SNX16: variants seen among roughly 807,000 people sequenced by gnomAD.
The protein encoded by SNX16 is sorting nexin 16.
A neutral mutation model predicts 36.7 loss-of-function variants in SNX16; 35 were observed. The observed-to-expected ratio is 0.95, with a 90% confidence interval of 0.73 to 1.27. The LOEUF (loss-of-function observed/expected upper bound fraction) is 1.27. SNX16 is among the 50% of genes most tolerant of loss of function. The pLI is 0.00. For missense variants in SNX16, 367 were observed against 393.6 expected, an observed-to-expected ratio of 0.93 and a Z score of 0.57; for synonymous variants, 134 against 132.0, an observed-to-expected ratio of 1.02 and a Z score of -0.10.
chr8:81,828,241 G>C (rs184419769), intron 3 of SNX16, among the ~76,000 whole-genome samples: 1 of 152,190 alleles, frequency 6.6e-6, no homozygotes, highest in African/African-American at 2.4e-5. Context: ...TCCTAGAAAT[G>C]TGATTATTAT....
chr8:81,818,327 TTC>T (rs1810581261), intron 4 of SNX16, among the ~76,000 whole-genome samples: 2 of 152,030 alleles, frequency 1.3e-5, no homozygotes, highest in African/African-American at 2.4e-5. Flanking sequence ...ATCTTAAATT[TTC>T]TTTTTTAAAT....
chr8:81,823,805 C>A lies in SNX16; in HGVS notation c.598G>T (p.Asp200Tyr). The change falls in exon 4 of 8, where the codon GAC (aspartate) becomes TAC (tyrosine). Residue 200 changes from aspartate to tyrosine, a missense_variant. Asp to Tyr is a radical substitution (Grantham distance 160). Transcript: ENST00000345957. Reference sequence around the variant, plus strand: ...TTCGTTACATACCAGTTAGCAATGTCCTTGTGAGCTACTAAATTTTGAAGA... The same window carrying A: ...TTCGTTACATACCAGTTAGCAATGTACTTGTGAGCTACTAAATTTTGAAGA... The part of the protein sequence containing the change: ...AFLQNLVAHK[D>Y]IANCLAVREF... 6.2e-7 allele frequency: 1 copy of A among 1,608,304 alleles called. No individual in the cohort carries two copies. The highest frequency in any genetic ancestry group is 8.5e-7 in the Non-Finnish European group (1 of 1,177,738).
intron 5 of SNX16, 56 bp from the exon 6 acceptor site, chr8:81,803,284 T>A: frequency 6.6e-7 from 1 of 1,507,546 alleles, no homozygotes; most frequent in African/African-American, 1.4e-5. Context: ...TACAATTAAT[T>A]ACAAATGCAG....
rs193015308 is a variant in SNX16 at position 81,819,916 on chromosome 8, T to C, written c.611+3876A>G. On this transcript the variant is annotated intron_variant, in intron 4 of 7. Coordinates refer to ENST00000345957, the MANE Select transcript of SNX16 (RefSeq NM_152836.3). The stretch of plus-strand genomic sequence containing the variant: ...GTAGCATTAAGGGCTGCCCATTGTG[T>C]AATGGTAAGGGCTTAGCCAAGAGGA... 3.3e-5 allele frequency among the ~76,000 whole-genome samples: 5 copies of C among 152,210 alleles called. No homozygotes were observed. The East Asian group carries it at 9.6e-4, about 29-fold the overall frequency.
intron 5 of SNX16, among the ~76,000 whole-genome samples, chr8:81,805,059 A>G (rs1809869388): frequency 6.6e-6 from 1 of 152,170 alleles, no homozygotes; most frequent in African/African-American, 2.4e-5. Flanking sequence ...TGTGAGTCTA[A>G]CAATTAAGAA....
chr8:81,820,723 A>C (rs1304513499), intron 4 of SNX16, among the ~76,000 whole-genome samples: 1 of 151,904 alleles, frequency 6.6e-6, no homozygotes, highest in African/African-American at 2.4e-5. Context: ...CGCTTCTTTG[A>C]GTTCTTGTTA....
chr8:81,800,460 CCTAA>C lies in SNX16; in HGVS notation c.*1033_*1036del, dbSNP rs1052876454. On this transcript the variant is annotated 3_prime_UTR_variant, in exon 8 of 8. Coordinates refer to ENST00000345957, the MANE Select transcript of SNX16 (RefSeq NM_152836.3). ...GTAAAGGCACTACATAATTCTTTCT[CCTAA>C]CTCTACTTACTAAAAAAATCCACCA... is the stretch of plus-strand genomic sequence containing the variant. The C allele has an allele frequency of 1.1e-4, 17 of 152,150 alleles. No homozygotes were observed. The highest frequency in any genetic ancestry group is 3.0e-5 in the Non-Finnish European group (2 of 67,706). 9.4% of individuals were successfully genotyped at this position (152,150 alleles called of 1,614,324 possible).
chr8:81,807,730 C>T (rs988749584), intron 5 of SNX16: 15 of 611,744 alleles, frequency 2.5e-5, no homozygotes, highest in Middle Eastern at 9.7e-4. Flanking sequence ...CCGTGGATGC[C>T]GCCGAAGAAG....
chr8:81,839,674 C>T lies in SNX16; in HGVS notation c.313G>A (p.Asp105Asn). Residue 105 changes from aspartate to asparagine, a missense_variant, in exon 2 of 8, where the codon GAT becomes AAT. Physicochemically the swap from Asp to Asn is conservative, Grantham distance 23. Coordinates refer to ENST00000345957, the MANE Select transcript of SNX16 (RefSeq NM_152836.3). ...AGTATAGTAGGTGTAGATGGTCTAT[C>T]TTCCCAATTCACTGTTTCCGGATTT... ...EQNPETVNWE[D>N]RPSTPTILGY... is the part of the protein sequence containing the mutation. The T allele has an allele frequency of 6.2e-7, 1 of 1,613,116 alleles. No individual in the cohort carries two copies. The highest frequency in any genetic ancestry group is 8.5e-7 in the Non-Finnish European group (1 of 1,179,574).
chr8:81,802,349 A>C, intron 7 of SNX16, 31 bp downstream of exon 7: 1 of 1,556,806 alleles, frequency 6.4e-7, no homozygotes, highest in Non-Finnish European at 8.7e-7. Flanking sequence ...TTATTCAAGA[A>C]TTAAGCTATC....
chr8:81,838,325 G>A (rs1811584945), intron 2 of SNX16, among the ~76,000 whole-genome samples: 3 of 152,044 alleles, frequency 2.0e-5, no homozygotes. Flanking sequence ...AAATCTCAAT[G>A]CAAAGGGTGA....
At chr8:81,821,040 T>A (rs1164894387) in intron 4 of SNX16, among the ~76,000 whole-genome samples, 1 of 150,794 alleles carries the variant, frequency 6.6e-6, no homozygotes, top group Non-Finnish European at 1.5e-5. Context: ...TTAATTGAAT[T>A]GAGGTTATCT....
chr8:81,825,967 A>C (rs1374645544), intron 3 of SNX16, among the ~76,000 whole-genome samples: 1 of 152,120 alleles, frequency 6.6e-6, no homozygotes, highest in Non-Finnish European at 1.5e-5. Flanking sequence ...CTTTTTATTA[A>C]TTTTAAGCTT....
At chr8:81,839,214 T>G (rs563964719) in intron 2 of SNX16, among the ~76,000 whole-genome samples, 1 of 152,172 alleles carries the variant, frequency 6.6e-6, no homozygotes, top group South Asian at 2.1e-4. Flanking sequence ...GGCATGTAAT[T>G]TGGCAAGGCT....
intron 5 of SNX16, chr8:81,807,987 G>T: frequency 1.2e-6 from 1 of 805,854 alleles, no homozygotes; most frequent in Non-Finnish European, 2.2e-6. Flanking sequence ...ATGCAGCCGT[G>T]AATGCAAGGC....
rs1809642546 is a variant in SNX16, at chr8:81,800,634, AG to A, written c.*862del. Reference sequence around the variant, plus strand: ...TGCAATGTCAGGAGTCAAGCCAGTTAGGAACTTTGCAGTATATATGGCTTTT... The same window carrying A: ...TGCAATGTCAGGAGTCAAGCCAGTTAGAACTTTGCAGTATATATGGCTTTT... On this transcript the variant is annotated 3_prime_UTR_variant, in exon 8 of 8. Coordinates refer to ENST00000345957, the MANE Select transcript of SNX16 (RefSeq NM_152836.3). 1 of 152,304 alleles carries A rather than the reference AG, an allele frequency of 6.6e-6. No individual in the cohort carries two copies. Among genetic ancestry groups the A allele is most frequent in the East Asian group, 1.9e-4 (1 of 5,206 alleles). 9.4% of individuals were successfully genotyped at this position (152,304 alleles called of 1,614,324 possible). A position where few individuals can be genotyped will look rare whatever the true frequency, so the allele number is the denominator to read the frequency against.
intron 4 of SNX16, among the ~76,000 whole-genome samples, chr8:81,818,538 G>A (rs921800425): frequency 3.9e-5 from 6 of 152,062 alleles, no homozygotes; most frequent in Non-Finnish European, 7.4e-5. Flanking sequence ...TGATACCACT[G>A]ATAGTTATCT....
At chr8:81,805,353 C>T (rs551147901) in intron 5 of SNX16, among the ~76,000 whole-genome samples, 2 of 152,144 alleles carry the variant, frequency 1.3e-5, no homozygotes, top group South Asian at 4.1e-4. Flanking sequence ...TGCAATTTGA[C>T]TGTTATATAA....
intron 5 of SNX16, chr8:81,808,660 C>T: frequency 1.0e-6 from 1 of 982,206 alleles, no homozygotes; most frequent in Non-Finnish European, 1.6e-6. Flanking sequence ...CAATACTTTG[C>T]CAAACCACGA....
Sources: allele counts gnomAD v4.1 joint callset (sites outside exome capture counted in the v4.1 genomes callset), GRCh38; gene constraint gnomAD v4.1.1; transcripts MANE v1.5; gene names NCBI Gene and HGNC (gene_info 2026-07-23, HGNC 2026-07-21).